Variants in EIPR1 observed in about 807,000 individuals in gnomAD.
EIPR1 encodes the protein EARP and GARP complex-interacting protein 1.
In EIPR1, 25 loss-of-function variants were observed where a neutral mutation model predicts 48.1. The ratio of observed to expected loss-of-function variants is 0.52; its 90% CI spans 0.38 to 0.73. The LOEUF is 0.73. Ranked by LOEUF, EIPR1 falls within the 30% of genes least tolerant of loss-of-function variation. The pLI is 0.00. For missense variants in EIPR1, 415 were observed against 506.2 expected, an observed-to-expected ratio of 0.82 and a Z score of 1.73; for synonymous variants, 204 against 201.9, an observed-to-expected ratio of 1.01 and a Z score of -0.09.
intron 1 of EIPR1, 143 bp downstream of exon 1, chr2:3,377,505 A>T: frequency 9.1e-7 from 1 of 1,102,854 alleles, no homozygotes; most frequent in Non-Finnish European, 1.3e-6. Context: ...GCCTCAGTTT[A>T]CTTCTCTGCA....
chr2:3,309,220 T>G (rs1259789469), intron 3 of EIPR1, among the ~76,000 whole-genome samples: 4 of 152,164 alleles, frequency 2.6e-5, no homozygotes, highest in Non-Finnish European at 5.9e-5. Context: ...AGGGCAGAGA[T>G]GGCCTCGATG....
At chr2:3,319,686 C>A (rs188451898) in intron 3 of EIPR1, 2 of 183,106 alleles carry the variant, frequency 1.1e-5, no homozygotes, top group African/African-American at 2.4e-5. Context: ...ACTGCACCTG[C>A]GGGCAACACC....
chr2:3,330,781 A>G (rs1260220500), intron 3 of EIPR1, among the ~76,000 whole-genome samples: 2 of 149,434 alleles, frequency 1.3e-5, no homozygotes, highest in East Asian at 4.1e-4. Flanking sequence ...AGGCAAGCGC[A>G]TGTACACTCA....
chr2:3,342,076 TAAG>T (rs1670268471), intron 2 of EIPR1, among the ~76,000 whole-genome samples: 1 of 152,160 alleles, frequency 6.6e-6, no homozygotes, highest in Non-Finnish European at 1.5e-5. Context: ...AATATGTAAA[TAAG>T]AACTACATAA....
intron 5 of EIPR1, among the ~76,000 whole-genome samples, chr2:3,198,183 G>C (rs1664876436): frequency 6.6e-6 from 1 of 152,246 alleles, no homozygotes; most frequent in African/African-American, 2.4e-5. Flanking sequence ...TAAGCCACAG[G>C]TAAAGGGCTT....
chr2:3,332,374 A>G (rs1399893927), intron 3 of EIPR1, among the ~76,000 whole-genome samples: 3 of 152,236 alleles, frequency 2.0e-5, no homozygotes, highest in Admixed American at 2.0e-4. Flanking sequence ...GAGAAACCCC[A>G]AGAGAAATAT....
chr2:3,360,033 G>A (rs1161029366), intron 1 of EIPR1, among the ~76,000 whole-genome samples: 1 of 152,126 alleles, frequency 6.6e-6, no homozygotes, highest in African/African-American at 2.4e-5. Context: ...AACACAAATG[G>A]CACATTTGGT....
rs1001911962 is a variant in EIPR1, at chr2:3,217,219, A to T, written c.417-2971T>A. Among the ~76,000 whole-genome samples the T allele has an allele frequency of 2.6e-5, 4 of 152,216 alleles. 1 individual carries two copies. The highest frequency in any genetic ancestry group is 1.3e-4 in the Admixed American group (2 of 15,282). On this transcript the variant is annotated intron_variant, in intron 4 of 8. Transcript: ENST00000382125. Reference sequence around the variant, plus strand: ...AGGAATTAATAAGACCCCATAACCTAGGGCAGTTCGTTTTGGATGGAATTT... The same window carrying T: ...AGGAATTAATAAGACCCCATAACCTTGGGCAGTTCGTTTTGGATGGAATTT...
At chr2:3,314,097 A>G (rs1016241798) in intron 3 of EIPR1, among the ~76,000 whole-genome samples, 1 of 152,188 alleles carries the variant, frequency 6.6e-6, no homozygotes. Flanking sequence ...CACGCTGGCC[A>G]TATGTCATTG....
At position 3,373,361 on chromosome 2, in the gene EIPR1, G is replaced by C. The variant is rs546460087; in HGVS notation, c.42+4287C>G. On this transcript the variant is annotated intron_variant, in intron 1 of 8. Transcript: ENST00000382125. ...TCTCTCACCACTCCTATTCAACATAGTGTTGGAAGTTCTGGCCAGGGCAAT... is the reference window on the plus strand; with the variant it reads ...TCTCTCACCACTCCTATTCAACATACTGTTGGAAGTTCTGGCCAGGGCAAT... Among the ~76,000 whole-genome samples the C allele has an allele frequency of 2.6e-5, 4 of 152,194 alleles. No homozygotes were observed. The South Asian group carries it at 8.3e-4, about 32-fold the overall frequency.
In EIPR1 at chr2:3,189,805, T is replaced by G. The variant is rs561051021; in HGVS notation, c.990-297A>C. ...GTTTCTTCTGTCCTTGGCCCCCGGG[T>G]GCCTGGGTTGATATTTTGTTGGAGG... On this transcript the variant is annotated intron_variant, in intron 8 of 8. Transcript: ENST00000382125. The surrounding 1 kb of genome is among the most constrained non-coding windows in gnomAD (Gnocchi z 4.6). Among the ~76,000 whole-genome samples, 145 of 152,150 alleles carry G rather than the reference T, an allele frequency of 9.5e-4. No homozygotes were observed. The highest frequency in any genetic ancestry group is 3.4e-3 in the African/African-American group (141 of 41,496).
chr2:3,218,238 C>G (rs907282606), intron 4 of EIPR1, among the ~76,000 whole-genome samples: 2 of 149,610 alleles, frequency 1.3e-5, no homozygotes, highest in Non-Finnish European at 3.0e-5. Flanking sequence ...TCAACACGAC[C>G]CTGATATGCT....
At chr2:3,211,917 C>T (rs572985532) in intron 5 of EIPR1, among the ~76,000 whole-genome samples, 1 of 152,370 alleles carries the variant, frequency 6.6e-6, no homozygotes, top group African/African-American at 2.4e-5. Flanking sequence ...GTGGCCCCCA[C>T]GGAACCTTCC....
At chr2:3,258,661 A>C (rs1206321022) in intron 3 of EIPR1, among the ~76,000 whole-genome samples, 4 of 152,218 alleles carry the variant, frequency 2.6e-5, no homozygotes, top group Non-Finnish European at 5.9e-5. Context: ...CAACGAACTC[A>C]ATGACAAAAT....
At chr2:3,227,604 T>C (rs1044248984) in intron 4 of EIPR1, among the ~76,000 whole-genome samples, 2 of 152,220 alleles carry the variant, frequency 1.3e-5, no homozygotes, top group African/African-American at 4.8e-5. Flanking sequence ...AGAAGTCGAA[T>C]GTTAATCACC....
At chr2:3,281,842 T>G (rs749003998) in intron 3 of EIPR1, among the ~76,000 whole-genome samples, 6 of 152,044 alleles carry the variant, frequency 3.9e-5, no homozygotes, top group Non-Finnish European at 8.8e-5. Context: ...TTCCTATAGA[T>G]CAGAGAGAAA....
chr2:3,300,182 T>C (rs931771614), intron 3 of EIPR1, among the ~76,000 whole-genome samples: 15 of 152,228 alleles, frequency 9.9e-5, no homozygotes, highest in Non-Finnish European at 1.5e-5. Flanking sequence ...ACCTCCCAGT[T>C]TTCACAATTG....
chr2:3,194,900 G>A (rs114878646), intron 6 of EIPR1, among the ~76,000 whole-genome samples: 3,000 of 152,296 alleles, frequency 0.02, 105 homozygotes, highest in African/African-American at 0.069. Flanking sequence ...CAACCCACTC[G>A]CTCCAGGGTG....
At chr2:3,198,859 T>C (rs1409552458) in intron 5 of EIPR1, among the ~76,000 whole-genome samples, 1 of 151,848 alleles carries the variant, frequency 6.6e-6, no homozygotes, top group Non-Finnish European at 1.5e-5. Flanking sequence ...ACTAATGAAC[T>C]TCCATGTCCC....
Sources: gnomAD v4.1 joint callset for allele counts (sites outside exome capture counted in the v4.1 genomes callset) on GRCh38, gnomAD v4.1.1 for gene constraint, Gnocchi (gnomAD v3.1) non-coding constraint, MANE v1.5 for transcripts, NCBI Gene and HGNC (gene_info 2026-07-23, HGNC 2026-07-21) for gene names.